The following TMEM26 variants were observed in gnomAD, a reference collection of about 807,000 sequenced individuals.
TMEM26 encodes the protein transmembrane protein 26.
In TMEM26, 38 loss-of-function variants were observed where a neutral mutation model predicts 28.8. The observed-to-expected ratio is 1.32, with a 90% CI of 1.02 to 1.73. The LOEUF is 1.73. Among genes scored for constraint, TMEM26 ranks in the 40% most tolerant of loss-of-function variants. TMEM26 has a pLI of 0.00. For synonymous variants in TMEM26, 227 were observed against 182.9 expected (o/e 1.24, Z -1.95); for missense variants, 518 against 447.1 (o/e 1.16, Z -1.43).
intron 1 of TMEM26, among the ~76,000 whole-genome samples, chr10:61,445,489 A>C (rs1840164977): frequency 6.6e-6 from 1 of 152,150 alleles, no homozygotes; most frequent in Admixed American, 6.5e-5. Context: ...CTTTGAGGTC[A>C]GTCAGACAAA....
At chr10:61,433,723 C>A (rs7075423) in intron 2 of TMEM26, among the ~76,000 whole-genome samples, 1 of 151,814 alleles carries the variant, frequency 6.6e-6, no homozygotes, top group Non-Finnish European at 1.5e-5. Context: ...ATAGAGCAAA[C>A]GGAAAATGTG....
chr10:61,444,752 C>T (rs1840152305), intron 1 of TMEM26, among the ~76,000 whole-genome samples: 1 of 151,006 alleles, frequency 6.6e-6, no homozygotes, highest in Admixed American at 6.6e-5. Context: ...TTACTGTATA[C>T]AAAACATAAC....
At position 61,410,396 on chromosome 10, in the gene TMEM26, C is replaced by T. The variant is rs759756456; in HGVS notation, c.1033G>A (p.Glu345Lys). ...SGPSQRDWQN[E>K]SKEGLAIPLR... ...GGAATAGCCAGGCCCTCCTTAGACT[C>T]GTTCTGCCAGTCCCGCTGAGAGGGC... The change falls in exon 6 of 6, where the codon GAG becomes AAG. Residue 345 changes from glutamate to lysine, a missense_variant. Glu to Lys is a moderately conservative substitution (Grantham distance 56). Coordinates refer to ENST00000399298, the MANE Select transcript of TMEM26 (RefSeq NM_178505.8). The T allele has an allele frequency of 6.2e-7, 1 of 1,614,052 alleles. No individual in the cohort carries two copies. Among genetic ancestry groups the T allele is most frequent in the Non-Finnish European group, 8.5e-7 (1 of 1,180,024 alleles).
chr10:61,436,211 C>G lies in TMEM26; in HGVS notation c.229G>C (p.Val77Leu), dbSNP rs201641949. ...AATTCAAGAAGCCATAATGATGGAA[C>G]GATGCTAATCAGATATAAAAATATG... ...PAIFLYLISI[V>L]PSLWLLELHH... Residue 77 changes from valine to leucine, a missense_variant, in exon 2 of 6, where the codon GTT (valine) becomes CTT (leucine). Physicochemically the swap from Val to Leu is conservative, Grantham distance 32. Coordinates refer to ENST00000399298, the MANE Select transcript of TMEM26 (RefSeq NM_178505.8). 1.9e-6 allele frequency: 3 copies of G among 1,606,096 alleles called. No homozygotes were observed. The highest frequency in any genetic ancestry group is 2.5e-6 in the Non-Finnish European group (3 of 1,176,824).
rs1839917815 is a variant in TMEM26 at position 61,431,268 on chromosome 10, G to A, written c.335C>T (p.Thr112Ile). 1 of 1,613,148 alleles carries A rather than the reference G, an allele frequency of 6.2e-7. No homozygotes were observed. Among genetic ancestry groups the A allele is most frequent in the Non-Finnish European group, 8.5e-7 (1 of 1,179,344 alleles). ...NTSRKEDFNQ[T>I]LTSNEQTSRA... ...ACTGGTTTGTTCATTGGATGTCAAT[G>A]TTTGATTGAAGTCTTCTTTTCTGCT... Residue 112 changes from threonine (T) to isoleucine (I), a missense_variant, in exon 3 of 6, where the codon ACA becomes ATA. Transcript: ENST00000399298.
intron 1 of TMEM26, among the ~76,000 whole-genome samples, chr10:61,443,931 T>C (rs1840136749): frequency 6.6e-6 from 1 of 152,212 alleles, no homozygotes; most frequent in Non-Finnish European, 1.5e-5. Context: ...ACTATCTTTC[T>C]CATAAAATAT....
chr10:61,408,020 T>C lies in TMEM26; in HGVS notation c.*2302A>G, dbSNP rs911134097. 1 of 152,234 alleles carries C rather than the reference T, an allele frequency of 6.6e-6. No individual in the cohort carries two copies. The highest frequency in any genetic ancestry group is 2.4e-5 in the African/African-American group (1 of 41,458). The allele number at this position is 152,234 out of a possible 1,614,324, so 9.4% of individuals were successfully genotyped here. On this transcript the variant is annotated 3_prime_UTR_variant, in exon 6 of 6. Coordinates refer to ENST00000399298, the MANE Select transcript of TMEM26 (RefSeq NM_178505.8). Reference sequence around the variant, plus strand: ...TTTAATCAGGAGTCTTAGGAATGGCTAATATATAACCTAGGTTTAGAGCTT... The same window carrying C: ...TTTAATCAGGAGTCTTAGGAATGGCCAATATATAACCTAGGTTTAGAGCTT...
intron 4 of TMEM26, among the ~76,000 whole-genome samples, chr10:61,424,034 A>G (rs1342194193): frequency 1.3e-5 from 2 of 152,194 alleles, no homozygotes; most frequent in Admixed American, 1.3e-4. Flanking sequence ...TTATCTTTTG[A>G]GATTGAAATG....
chr10:61,451,712 A>G (rs1399041526), intron 1 of TMEM26, among the ~76,000 whole-genome samples: 1 of 152,192 alleles, frequency 6.6e-6, no homozygotes, highest in African/African-American at 2.4e-5. Flanking sequence ...GTATTAAATT[A>G]GGATTGTTCT....
At chr10:61,445,814 G>T (rs866854414) in intron 1 of TMEM26, among the ~76,000 whole-genome samples, 8 of 152,198 alleles carry the variant, frequency 5.3e-5, no homozygotes, top group African/African-American at 1.9e-4. Flanking sequence ...AATAAACCTT[G>T]ATGTAAATGT....
In TMEM26 at chr10:61,425,239, C is replaced by T. The variant is rs114024345; in HGVS notation, c.605+3687G>A. Among the ~76,000 whole-genome samples the T allele has an allele frequency of 8.0e-3, 1,219 of 152,232 alleles. 11 individuals are homozygous for T. Among genetic ancestry groups the T allele is most frequent in the African/African-American group, 0.024 (977 of 41,526 alleles). The stretch of plus-strand genomic sequence containing the variant: ...ATCACAAGAGCAGTGCAGGAAAGAC[C>T]TGCTCCCGTAACTCAGTCACCTCCC... On this transcript the variant is annotated intron_variant, in intron 4 of 5. Transcript: ENST00000399298.
At chr10:61,431,099 A>T in intron 3 of TMEM26, 120 bp downstream of exon 3, 1 of 756,388 alleles carries the variant, frequency 1.3e-6, no homozygotes, top group East Asian at 2.7e-5. Flanking sequence ...TCCTAAGCCA[A>T]ACAATGGATA....
chr10:61,414,483 TA>T (rs1322545694), intron 4 of TMEM26: 1 of 152,076 alleles, frequency 6.6e-6, no homozygotes, highest in Non-Finnish European at 1.5e-5. Context: ...GCTTCAAGTG[TA>T]GAGGCATTAA....
chr10:61,414,852 A>G, intron 4 of TMEM26: 1 of 328,120 alleles, frequency 3.0e-6, no homozygotes, highest in Non-Finnish European at 4.4e-6. Context: ...TAAATTGATG[A>G]CAGACATTCA....
rs80083746 is a variant in TMEM26, at chr10:61,417,660, A to G, written c.606-4125T>C. On this transcript the variant is annotated intron_variant, in intron 4 of 5. Transcript: ENST00000399298. ...AAGAAGAGTCTCCTTTGTATGGTCA[A>G]GTATTCACAGGGAAATGTTAGTAAT... Among the ~76,000 whole-genome samples the G allele has an allele frequency of 1.1e-4, 16 of 152,146 alleles. No individual in the cohort carries two copies. The South Asian group carries it at 3.3e-3, about 32-fold the overall frequency.
At chr10:61,449,779 T>G (rs1840245848) in intron 1 of TMEM26, among the ~76,000 whole-genome samples, 1 of 151,100 alleles carries the variant, frequency 6.6e-6, no homozygotes, top group African/African-American at 2.4e-5. Context: ...ATATGGAAGG[T>G]TTTTTTTTCC....
intron 2 of TMEM26, among the ~76,000 whole-genome samples, chr10:61,432,183 G>C (rs1350765100): frequency 6.6e-6 from 1 of 151,886 alleles, no homozygotes; most frequent in Admixed American, 6.6e-5. Context: ...ATATCATATT[G>C]CTTAAGTAAA....
Position 61,452,960 on chromosome 10 carries a change from A to T in TMEM26, c.122T>A (p.Leu41Gln), listed in dbSNP as rs1840316454. Residue 41 changes from leucine (L) to glutamine (Q), a missense_variant, in exon 1 of 6, where the codon CTG becomes CAG. Leu to Gln is a moderately radical substitution (Grantham distance 113). Coordinates refer to ENST00000399298, the MANE Select transcript of TMEM26 (RefSeq NM_178505.8). ...CTCCAGGAAGAGCAAGAGGTTGAGC[A>T]GCGCAAGCAGCCAGTACCGCGGCTC... The part of the protein sequence containing the change: ...KKEPRYWLLA[L>Q]LNLLLFLETA... 6.2e-7 allele frequency: 1 copy of T among 1,614,086 alleles called. No homozygotes were observed. Among genetic ancestry groups the T allele is most frequent in the African/African-American group, 1.3e-5 (1 of 75,046 alleles).
At chr10:61,430,393 C>A (rs951755709) in intron 3 of TMEM26, among the ~76,000 whole-genome samples, 1 of 151,764 alleles carries the variant, frequency 6.6e-6, no homozygotes, top group Non-Finnish European at 1.5e-5. Context: ...TCTGTTTTGG[C>A]CAGAAATCTT....
Sources: allele counts gnomAD v4.1 joint callset (sites outside exome capture counted in the v4.1 genomes callset), GRCh38; gene constraint gnomAD v4.1.1; transcripts MANE v1.5; gene names NCBI Gene and HGNC (gene_info 2026-07-23, HGNC 2026-07-21).